DENND4C: variants seen among roughly 807,000 people sequenced by gnomAD.
DENND4C encodes the protein DENN domain-containing protein 4C.
A neutral mutation model predicts 203.0 loss-of-function variants in DENND4C; 108 were observed. That is an observed-to-expected ratio of 0.53 (90% CI 0.46 to 0.62). The LOEUF (loss-of-function observed/expected upper bound fraction) is 0.62. DENND4C is among the 20% of genes least tolerant of loss of function. DENND4C has a pLI of 0.00. For missense variants in DENND4C, 2,481 were observed against 2,301.2 expected, an observed-to-expected ratio of 1.08 and a Z score of -1.60; for synonymous variants, 871 against 792.4, an observed-to-expected ratio of 1.10 and a Z score of -1.67.
chr9:19,298,241 G>T, intron 7 of DENND4C, 119 bp downstream of exon 7: 3 of 819,226 alleles, frequency 3.7e-6, no homozygotes, highest in Non-Finnish European at 3.8e-6. Context: ...TAAAGTCCTT[G>T]GATTTTCTGT....
chr9:19,288,140 T>G (rs972751981), intron 3 of DENND4C, among the ~76,000 whole-genome samples: 2 of 152,242 alleles, frequency 1.3e-5, no homozygotes, highest in African/African-American at 4.8e-5. Flanking sequence ...CAGATTTACT[T>G]TGAAAAATAT....
At chr9:19,237,555 C>A (rs1446802812) in intron 1 of DENND4C, among the ~76,000 whole-genome samples, 1 of 151,946 alleles carries the variant, frequency 6.6e-6, no homozygotes, top group Non-Finnish European at 1.5e-5. Flanking sequence ...GACAGGGTTT[C>A]AATGTGTTAG....
chr9:19,267,380 G>C (rs2130770631), intron 1 of DENND4C, among the ~76,000 whole-genome samples: 1 of 152,060 alleles, frequency 6.6e-6, no homozygotes, highest in South Asian at 2.1e-4. Context: ...TCTTTTTATG[G>C]TTTTTATCTT....
chr9:19,251,957 C>T (rs1291250942), intron 1 of DENND4C, among the ~76,000 whole-genome samples: 4 of 152,224 alleles, frequency 2.6e-5, no homozygotes, highest in Admixed American at 2.6e-4. Context: ...GTTCCAGCCT[C>T]TGCCTGTTAC....
At chr9:19,284,221 C>T (rs540485955) in intron 2 of DENND4C, among the ~76,000 whole-genome samples, 21 of 152,280 alleles carry the variant, frequency 1.4e-4, no homozygotes, top group African/African-American at 4.6e-4. Context: ...ACTCTATACC[C>T]TATTTTGTAC....
Position 19,346,664 on chromosome 9 carries a change from T to A in DENND4C, c.3895T>A (p.Ser1299Thr). ...CCTAAAAAGTCCCCTAGGTAGTAAA[T>A]CTTCTAGTATGGAATTACACAGAGA... Reference protein sequence around the residue: ...MNLKSPLGSKSSSMELHREEN... With the variant: ...MNLKSPLGSKTSSMELHREEN... The change falls in exon 23 of 33, where the codon TCT (serine) becomes ACT (threonine). Residue 1299 changes from serine to threonine, a missense_variant. Transcript: ENST00000434457. 1 of 1,614,108 alleles carries A rather than the reference T, an allele frequency of 6.2e-7. No homozygotes were observed. The highest frequency in any genetic ancestry group is 8.5e-7 in the Non-Finnish European group (1 of 1,180,018).
At chr9:19,266,783 G>T (rs998969510) in intron 1 of DENND4C, among the ~76,000 whole-genome samples, 2 of 152,142 alleles carry the variant, frequency 1.3e-5, no homozygotes, top group Admixed American at 6.6e-5. Flanking sequence ...TATGTAGAGG[G>T]CTGAAACTGG....
intron 6 of DENND4C, among the ~76,000 whole-genome samples, 189 bp downstream of exon 6, chr9:19,296,435 G>A (rs1454716676): frequency 6.6e-6 from 1 of 150,784 alleles, no homozygotes; most frequent in African/African-American, 2.4e-5. Flanking sequence ...TGTGATCTTG[G>A]TTCACTGCAA....
chr9:19,261,811 G>T (rs889057554), intron 1 of DENND4C, among the ~76,000 whole-genome samples: 1 of 151,580 alleles, frequency 6.6e-6, no homozygotes, highest in African/African-American at 2.4e-5. Context: ...GTCTCTTTCC[G>T]TTTTTTGTGT....
chr9:19,237,600 G>A (rs981919628), intron 1 of DENND4C, among the ~76,000 whole-genome samples: 2 of 151,884 alleles, frequency 1.3e-5, no homozygotes, highest in South Asian at 4.2e-4. Flanking sequence ...TTTGTGATCC[G>A]CCCGCCTCGA....
intron 26 of DENND4C, 100 bp downstream of exon 26, chr9:19,352,765 C>T: frequency 2.3e-6 from 2 of 852,820 alleles, no homozygotes; most frequent in South Asian, 5.4e-5. Context: ...GGTCTGCCTT[C>T]CTGTCTGTCC....
intron 24 of DENND4C, 42 bp downstream of exon 24, chr9:19,350,921 G>T: frequency 6.6e-7 from 1 of 1,516,784 alleles, no homozygotes; most frequent in Non-Finnish European, 8.9e-7. Flanking sequence ...CTTTATAATA[G>T]TTTTTGCTTT....
intron 1 of DENND4C, among the ~76,000 whole-genome samples, chr9:19,234,530 G>GTT (rs34232597): frequency 0.29 from 30,405 of 104,266 alleles, 4,998 homozygotes; most frequent in Non-Finnish European, 0.34. Context: ...GCACCTGGCT[G>GTT]TTTTTTTTTT....
intron 1 of DENND4C, among the ~76,000 whole-genome samples, chr9:19,238,803 G>A (rs1034480780): frequency 1.3e-5 from 2 of 149,148 alleles, no homozygotes; most frequent in African/African-American, 2.5e-5. Context: ...ACAGGCATGT[G>A]CCACCACGTC....
chr9:19,275,865 C>T (rs918457863), intron 1 of DENND4C, among the ~76,000 whole-genome samples: 1 of 152,140 alleles, frequency 6.6e-6, no homozygotes, highest in Non-Finnish European at 1.5e-5. Context: ...CCTTGGCCCC[C>T]CAAAGTGCTA....
In DENND4C at chr9:19,276,182, A is replaced by T. The variant is rs923767778; in HGVS notation, c.8A>T (p.Glu3Val). The T allele has an allele frequency of 1.3e-5, 16 of 1,231,908 alleles. No individual in the cohort carries two copies. Among genetic ancestry groups the T allele is most frequent in the Non-Finnish European group, 1.5e-5 (15 of 987,862 alleles). The allele number at this position is 1,231,908 out of a possible 1,614,324, so 76.3% of individuals were successfully genotyped here. A position where few individuals can be genotyped will look rare whatever the true frequency, so the allele number is the denominator to read the frequency against. Residue 3 changes from glutamate (E) to valine (V), a missense_variant, in exon 2 of 33, where the codon GAA becomes GTA. Glu to Val is a moderately radical substitution (Grantham distance 121, BLOSUM62 -2). Coordinates refer to ENST00000434457, the MANE Select transcript of DENND4C (RefSeq NM_001330640.2). ...GAAAATACAGTAGCAGCCATGATAG[A>T]AGACAAAGGACCAAGAGTGACAGAC... Reference protein sequence around the residue: MIEDKGPRVTDYF... With the variant: MIVDKGPRVTDYF...
rs754090664 is a variant in DENND4C at position 19,328,010 on chromosome 9, T to A, written c.2121-20T>A. 1.7e-5 allele frequency: 27 copies of A among 1,575,498 alleles called. No individual in the cohort carries two copies. The highest frequency in any genetic ancestry group is 2.3e-5 in the Non-Finnish European group (27 of 1,165,732). Reference sequence around the variant, plus strand: ...TTGGTGTGTTTTAAATCAGCAGTTCTATTTTTTTTTTTATTTTAGTTACAA... The same window carrying A: ...TTGGTGTGTTTTAAATCAGCAGTTCAATTTTTTTTTTTATTTTAGTTACAA... On this transcript the variant is annotated intron_variant, in intron 15 of 32. Transcript: ENST00000434457.
At chr9:19,259,505 CTTTTTTT>C (rs1021585159) in intron 1 of DENND4C, among the ~76,000 whole-genome samples, 55 of 131,500 alleles carry the variant, frequency 4.2e-4, no homozygotes, top group Non-Finnish European at 7.0e-4. Flanking sequence ...TTTCTTTTTT[CTTTTTTT>C]TTTTTTTTTG....
At chr9:19,368,918 G>A (rs1390553738) in intron 30 of DENND4C, among the ~76,000 whole-genome samples, 1 of 152,190 alleles carries the variant, frequency 6.6e-6, no homozygotes, top group Non-Finnish European at 1.5e-5. Context: ...TTGGGAGGCT[G>A]AGGCAGGAGG....
Sources: gnomAD v4.1 joint callset for allele counts (sites outside exome capture counted in the v4.1 genomes callset) on GRCh38, gnomAD v4.1.1 for gene constraint, MANE v1.5 for transcripts, NCBI Gene and HGNC (gene_info 2026-07-23, HGNC 2026-07-21) for gene names.